BLTP1: variants seen among roughly 807,000 people sequenced by gnomAD.
BLTP1 encodes the protein fragile site-associated protein.
chr4:122,209,995 G>A, the BLTP1 span: 2 of 1,538,510 alleles, frequency 1.3e-6, no homozygotes, highest in Non-Finnish European at 1.8e-6. Context: ...AAAATAAGAA[G>A]CAAATAAATT....
At chr4:122,254,743 G>A in the BLTP1 span, 1 of 1,425,520 alleles carries the variant, frequency 7.0e-7, no homozygotes, top group Non-Finnish European at 9.2e-7. Context: ...GTAGGTATGG[G>A]AGATTGTTTG....
chr4:122,189,559 ATTAG>A, the BLTP1 span: 1 of 774,590 alleles, frequency 1.3e-6, no homozygotes, highest in Non-Finnish European at 1.6e-6. Context: ...AATGATACTT[ATTAG>A]TTATTAATAT....
chr4:122,348,509 T>C, the BLTP1 span: 1 of 1,445,424 alleles, frequency 6.9e-7, no homozygotes. Flanking sequence ...TAGTTTTTGC[T>C]TTGTAACTAG....
At chr4:122,271,372 T>C in the BLTP1 span, 28 of 1,613,884 alleles carry the variant, frequency 1.7e-5, no homozygotes, top group African/African-American at 2.7e-5. Context: ...ATCGGGACTT[T>C]CGTTCATCTG....
chr4:122,187,810 TTTG>T, the BLTP1 span: 1 of 1,385,744 alleles, frequency 7.2e-7, no homozygotes, highest in Non-Finnish European at 9.6e-7. Flanking sequence ...TTTGAAAATG[TTTG>T]TTATTAGTTT....
the BLTP1 span, chr4:122,249,554 T>A: frequency 6.2e-7 from 1 of 1,613,692 alleles, no homozygotes; most frequent in Non-Finnish European, 8.5e-7. Context: ...CTTGAAGAGT[T>A]GGATGAATTT....
the BLTP1 span, among the ~76,000 whole-genome samples, chr4:122,309,978 G>A: frequency 0.045 from 6,801 of 151,974 alleles, 430 homozygotes; most frequent in African/African-American, 0.14. Context: ...TTTATAGGCC[G>A]TATTGAAGAT....
the BLTP1 span, chr4:122,274,576 C>A: frequency 7.3e-7 from 1 of 1,364,040 alleles, no homozygotes. Context: ...TTAAGAATAT[C>A]ACCAAATAAA....
the BLTP1 span, chr4:122,356,036 A>C: frequency 2.2e-6 from 3 of 1,368,122 alleles, no homozygotes; most frequent in Non-Finnish European, 3.0e-6. Context: ...TTCTAAAGGC[A>C]CTTCAAACTA....
chr4:122,294,828 A>C, the BLTP1 span, among the ~76,000 whole-genome samples: 3 of 152,334 alleles, frequency 2.0e-5, no homozygotes, highest in African/African-American at 7.2e-5. Flanking sequence ...CTGAGCTAAA[A>C]GAACATGTTC....
the BLTP1 span, chr4:122,247,416 C>A: frequency 6.4e-7 from 1 of 1,572,612 alleles, no homozygotes; most frequent in Non-Finnish European, 8.7e-7. Flanking sequence ...GATGATTTTG[C>A]AGAAGGGAAC....
At chr4:122,203,379 T>C in the BLTP1 span, among the ~76,000 whole-genome samples, 1 of 150,974 alleles carries the variant, frequency 6.6e-6, no homozygotes, top group Non-Finnish European at 1.5e-5. Context: ...TTAGATTTAC[T>C]CTGATAAGGA....
At chr4:122,340,645 A>C in the BLTP1 span, 4 of 835,392 alleles carry the variant, frequency 4.8e-6, no homozygotes, top group African/African-American at 7.4e-5. Flanking sequence ...TTCACAACAA[A>C]ATTGGAAAAC....
the BLTP1 span, among the ~76,000 whole-genome samples, chr4:122,159,566 G>C: frequency 8.6e-5 from 13 of 151,914 alleles, no homozygotes; most frequent in Admixed American, 2.0e-4. Flanking sequence ...TCACTTTGTT[G>C]TTGAATTGAT....
chr4:122,306,497 T>G, the BLTP1 span: 1 of 905,226 alleles, frequency 1.1e-6, no homozygotes, highest in Non-Finnish European at 1.3e-6. Context: ...GATGTGTTCT[T>G]GGTTCTGAGG....
the BLTP1 span, chr4:122,353,188 C>G: frequency 1.2e-6 from 2 of 1,605,834 alleles, no homozygotes; most frequent in Non-Finnish European, 8.5e-7. The surrounding 1 kb of genome is among the most constrained non-coding windows in gnomAD (Gnocchi z 4.3). Context: ...TTTACTTTCT[C>G]CTATCTTCTG....
the BLTP1 span, chr4:122,246,971 G>GGGA: frequency 1.1e-6 from 1 of 872,602 alleles, no homozygotes; most frequent in Non-Finnish European, 1.4e-6. Flanking sequence ...AGTAACATAT[G>GGGA]TCTTTAAAAA....
chr4:122,324,599 C>G, the BLTP1 span: 1 of 1,330,796 alleles, frequency 7.5e-7, no homozygotes, highest in Non-Finnish European at 1.0e-6. Context: ...CCAAGGTCAA[C>G]TACTTTTTTA....
At chr4:122,317,590 A>G in the BLTP1 span, among the ~76,000 whole-genome samples, 2 of 150,764 alleles carry the variant, frequency 1.3e-5, no homozygotes, top group African/African-American at 4.9e-5. Context: ...CCAAAAGGTA[A>G]TGGTCATGCC....
Sources: gnomAD v4.1 joint callset for allele counts (sites outside exome capture counted in the v4.1 genomes callset) on GRCh38, gnomAD v4.1.1 for gene constraint, Gnocchi (gnomAD v3.1) non-coding constraint, MANE v1.5 for transcripts, NCBI Gene and HGNC (gene_info 2026-07-23, HGNC 2026-07-21) for gene names.